The following ERBB4 variants were observed in gnomAD, a reference collection of about 807,000 sequenced individuals.
ERBB4 encodes receptor tyrosine-protein kinase erbB-4.
ERBB4 carries 42 observed loss-of-function variants against 158.0 expected under a neutral mutation model. The observed-to-expected ratio is 0.27, with a 90% CI of 0.21 to 0.34. ERBB4 has a LOEUF of 0.34. Among genes scored for constraint, ERBB4 ranks in the 10% least tolerant of loss-of-function variants. The probability of loss-of-function intolerance (pLI) is 1.00; values close to 1 mark genes in which losing one functional copy is unlikely to be tolerated. For missense variants in ERBB4, 1,333 were observed against 1,624.1 expected, an observed-to-expected ratio of 0.82 and a Z score of 3.08; for synonymous variants, 583 against 558.7, an observed-to-expected ratio of 1.04 and a Z score of -0.61.
intron 1 of ERBB4, among the ~76,000 whole-genome samples, chr2:212,438,033 G>A (rs1041691826): frequency 3.3e-5 from 5 of 151,942 alleles, no homozygotes; most frequent in African/African-American, 7.2e-5. Context: ...GTATCTGTTC[G>A]CACATGTTTA....
intron 1 of ERBB4, among the ~76,000 whole-genome samples, chr2:212,272,888 T>C (rs17346476): frequency 0.039 from 5,863 of 151,762 alleles, 165 homozygotes; most frequent in South Asian, 0.09. Flanking sequence ...ACAGTTTTAC[T>C]TTAAAAATCA....
At chr2:211,427,613 C>T (rs1054777230) in intron 22 of ERBB4, among the ~76,000 whole-genome samples, 4 of 152,100 alleles carry the variant, frequency 2.6e-5, no homozygotes, top group Non-Finnish European at 5.9e-5. Flanking sequence ...TTCTCTTTTA[C>T]CATGTTCATT....
At chr2:212,062,777 C>A (rs1421084822) in intron 2 of ERBB4, among the ~76,000 whole-genome samples, 1 of 152,086 alleles carries the variant, frequency 6.6e-6, no homozygotes, top group Non-Finnish European at 1.5e-5. Context: ...TTTTGAGAAT[C>A]TCAGATCAAG....
chr2:212,336,845 A>AGC (rs780388590), intron 1 of ERBB4, among the ~76,000 whole-genome samples: 2 of 152,016 alleles, frequency 1.3e-5, no homozygotes, highest in Admixed American at 6.6e-5. Context: ...AATGTCTCCA[A>AGC]GCTCTAATGC....
chr2:211,620,090 T>G (rs2069540616), intron 18 of ERBB4, among the ~76,000 whole-genome samples: 1 of 152,148 alleles, frequency 6.6e-6, no homozygotes, highest in South Asian at 2.1e-4. Context: ...TAAAGTGAAT[T>G]ATAGCATTTG....
intron 1 of ERBB4, among the ~76,000 whole-genome samples, chr2:212,224,958 T>C (rs902534052): frequency 1.3e-5 from 2 of 152,138 alleles, no homozygotes; most frequent in African/African-American, 4.8e-5. Context: ...CTTTATACTG[T>C]TGAATAATAA....
At chr2:211,790,908 C>G (rs958813127) in intron 3 of ERBB4, among the ~76,000 whole-genome samples, 2 of 151,816 alleles carry the variant, frequency 1.3e-5, no homozygotes, top group African/African-American at 4.8e-5. Flanking sequence ...TTTTAATGTA[C>G]AGTCTTACAC....
At position 212,353,480 on chromosome 2, in the gene ERBB4, T is replaced by C. The variant is rs909182604; in HGVS notation, c.82+184969A>G. On this transcript the variant is annotated intron_variant, in intron 1 of 27. Transcript: ENST00000342788. ...TTTTATAATATATACATATATAAAA[T>C]ACAAATTATTTCCTAGACAGATATA... 2.0e-5 allele frequency among the ~76,000 whole-genome samples: 3 copies of C among 150,268 alleles called. No individual in the cohort carries two copies. In the Admixed American group the frequency reaches 2.0e-4, roughly 10 times the overall value.
At chr2:211,707,701 C>G (rs1229816783) in intron 9 of ERBB4, among the ~76,000 whole-genome samples, 2 of 152,110 alleles carry the variant, frequency 1.3e-5, no homozygotes, top group East Asian at 3.9e-4. Flanking sequence ...ACCCTAAGCA[C>G]TAAGCTTTCC....
intron 12 of ERBB4, among the ~76,000 whole-genome samples, chr2:211,687,344 AC>A (rs2072604209): frequency 6.6e-6 from 1 of 151,108 alleles, no homozygotes; most frequent in Non-Finnish European, 1.5e-5. Flanking sequence ...CGAAAAAAGA[AC>A]CCTCCCACAA....
intron 1 of ERBB4, among the ~76,000 whole-genome samples, chr2:212,515,022 A>G (rs367651156): frequency 1.5e-4 from 23 of 152,214 alleles, no homozygotes; most frequent in African/African-American, 5.5e-4. Context: ...ATATAGTAGT[A>G]AACATTCACT....
At chr2:211,568,059 A>G (rs1382387851) in intron 19 of ERBB4, among the ~76,000 whole-genome samples, 1 of 152,130 alleles carries the variant, frequency 6.6e-6, no homozygotes, top group African/African-American at 2.4e-5. Flanking sequence ...GACCATGGGA[A>G]TAAATACAAC....
intron 20 of ERBB4, among the ~76,000 whole-genome samples, chr2:211,507,039 T>C (rs2065769037): frequency 6.6e-6 from 1 of 152,086 alleles, no homozygotes; most frequent in South Asian, 2.1e-4. Flanking sequence ...TCACAATTGA[T>C]ACCTCAACTG....
At chr2:212,131,887 T>C (rs923619573) in intron 1 of ERBB4, among the ~76,000 whole-genome samples, 3 of 152,110 alleles carry the variant, frequency 2.0e-5, no homozygotes, top group African/African-American at 7.2e-5. Flanking sequence ...AAAGGGAGTA[T>C]GAAATGGGTA....
chr2:212,173,306 C>T (rs1201369004), intron 1 of ERBB4, among the ~76,000 whole-genome samples: 2 of 152,040 alleles, frequency 1.3e-5, no homozygotes, highest in Non-Finnish European at 1.5e-5. Flanking sequence ...ATAAGGTATA[C>T]AGGTGACTAC....
intron 3 of ERBB4, among the ~76,000 whole-genome samples, chr2:211,818,352 G>C (rs1387771239): frequency 2.0e-5 from 3 of 152,082 alleles, no homozygotes; most frequent in African/African-American, 7.2e-5. Flanking sequence ...TGTCTAATGA[G>C]AGATCAGATA....
intron 16 of ERBB4, among the ~76,000 whole-genome samples, chr2:211,631,422 C>T (rs1327948762): frequency 6.6e-6 from 1 of 152,076 alleles, no homozygotes; most frequent in Admixed American, 6.6e-5. Context: ...GTATTAGAAT[C>T]AATAGTGTGT....
intron 1 of ERBB4, among the ~76,000 whole-genome samples, chr2:212,177,974 G>C (rs909862316): frequency 2.6e-5 from 4 of 151,730 alleles, no homozygotes; most frequent in African/African-American, 4.8e-5. Flanking sequence ...GTGTGTGTGT[G>C]TGTGTGTTGG....
intron 4 of ERBB4, among the ~76,000 whole-genome samples, chr2:211,752,649 G>A (rs1269497957): frequency 6.6e-6 from 1 of 151,902 alleles, no homozygotes; most frequent in Non-Finnish European, 1.5e-5. Context: ...TCTCTTACTC[G>A]ATTAATTTTT....
Sources: allele counts gnomAD v4.1 joint callset (sites outside exome capture counted in the v4.1 genomes callset), GRCh38; gene constraint gnomAD v4.1.1; transcripts MANE v1.5; gene names NCBI Gene and HGNC (gene_info 2026-07-23, HGNC 2026-07-21).